The following GALNTL6 variants were observed in gnomAD, a reference collection of about 807,000 sequenced individuals.
GALNTL6 encodes polypeptide N-acetylgalactosaminyltransferase-like 6.
In GALNTL6, 46 loss-of-function variants were observed where a neutral mutation model predicts 73.7. The observed-to-expected ratio is 0.62, with a 90% confidence interval of 0.49 to 0.80. The LOEUF (loss-of-function observed/expected upper bound fraction) is 0.80, where lower values mean the gene tolerates loss of function less well. Among genes scored for constraint, GALNTL6 ranks in the 30% least tolerant of loss-of-function variants. GALNTL6 has a pLI of 0.00. For missense variants in GALNTL6, 604 were observed against 755.0 expected (o/e 0.80, Z 2.34); for synonymous variants, 259 against 263.7 (o/e 0.98, Z 0.17).
intron 5 of GALNTL6, among the ~76,000 whole-genome samples, chr4:172,624,469 G>T (rs905475023): frequency 3.3e-5 from 5 of 151,668 alleles, no homozygotes; most frequent in Non-Finnish European, 5.9e-5. Context: ...CCAGCGTACA[G>T]GTAGTCTGAA....
In GALNTL6 at chr4:172,270,260, A is replaced by G. The variant is rs116280027; in HGVS notation, c.247+40496A>G. ...CATATTCTTTAAGCACTCCCATTTT[A>G]TTTCTACCAATTGTATGTTTTTTTC... On this transcript the variant is annotated intron_variant, in intron 3 of 12. Transcript: ENST00000506823. Among the ~76,000 whole-genome samples, 1,255 of 151,504 alleles carry G rather than the reference A, an allele frequency of 8.3e-3. 18 individuals carry two copies. The highest frequency in any genetic ancestry group is 0.029 in the African/African-American group (1,191 of 41,300).
intron 5 of GALNTL6, among the ~76,000 whole-genome samples, chr4:172,746,902 A>T (rs1252997405): frequency 6.6e-6 from 1 of 152,268 alleles, no homozygotes; most frequent in East Asian, 1.9e-4. Context: ...AGGATGAAGT[A>T]AAATTGTTTC....
intron 4 of GALNTL6, among the ~76,000 whole-genome samples, chr4:172,330,914 C>T (rs905227228): frequency 6.6e-5 from 10 of 152,010 alleles, no homozygotes; most frequent in African/African-American, 2.4e-4. Flanking sequence ...TCCAGATGTT[C>T]AAGTTTACTG....
At chr4:171,922,748 A>G (rs929358711) in intron 2 of GALNTL6, among the ~76,000 whole-genome samples, 5 of 152,148 alleles carry the variant, frequency 3.3e-5, no homozygotes, top group African/African-American at 1.2e-4. Context: ...TATTGTTTTT[A>G]TAACTTTAGT....
chr4:172,957,410 C>T (rs1338100938), intron 10 of GALNTL6, among the ~76,000 whole-genome samples: 1 of 152,076 alleles, frequency 6.6e-6, no homozygotes, highest in Non-Finnish European at 1.5e-5. Context: ...TGGGAAGAGA[C>T]TGATAGGTGG....
In GALNTL6 at chr4:171,988,812, A is replaced by G. The variant is rs558680359; in HGVS notation, c.138+174094A>G. ...CGGGTAAGAGTGATTAAGTTTTAAT[A>G]GGATGGTAAGGGGGGCATGATCGGT... On this transcript the variant is annotated intron_variant, in intron 2 of 12. Coordinates refer to ENST00000506823, the MANE Select transcript of GALNTL6 (RefSeq NM_001034845.3). Among the ~76,000 whole-genome samples, 1,137 of 152,026 alleles carry G rather than the reference A, an allele frequency of 7.5e-3. 8 individuals carry two copies. Among genetic ancestry groups the G allele is most frequent in the South Asian group, 0.011 (54 of 4,802 alleles).
intron 2 of GALNTL6, among the ~76,000 whole-genome samples, chr4:172,177,912 C>T (rs1301432800): frequency 6.8e-6 from 1 of 147,260 alleles, no homozygotes; most frequent in African/African-American, 2.5e-5. Flanking sequence ...ATATGACTTT[C>T]ATAGTTTATT....
chr4:172,135,478 A>C (rs1733614572), intron 2 of GALNTL6, among the ~76,000 whole-genome samples: 1 of 152,084 alleles, frequency 6.6e-6, no homozygotes, highest in African/African-American at 2.4e-5. Flanking sequence ...AAATAAAAGC[A>C]ATAACAAATT....
chr4:171,837,503 A>G (rs182354936), intron 2 of GALNTL6, among the ~76,000 whole-genome samples: 115 of 150,606 alleles, frequency 7.6e-4, no homozygotes, highest in African/African-American at 2.7e-3. Flanking sequence ...ATTCAAAGCA[A>G]TGGGACATCT....
chr4:172,063,656 G>A (rs1226745336), intron 2 of GALNTL6, among the ~76,000 whole-genome samples: 1 of 152,044 alleles, frequency 6.6e-6, no homozygotes, highest in African/African-American at 2.4e-5. Flanking sequence ...AAATTAGTCT[G>A]TTCTTTTGAG....
intron 8 of GALNTL6, among the ~76,000 whole-genome samples, chr4:172,910,629 A>C (rs2111262005): frequency 6.6e-6 from 1 of 152,370 alleles, no homozygotes; most frequent in South Asian, 2.1e-4. Flanking sequence ...ATATATTTAC[A>C]TGAATCTCAC....
intron 2 of GALNTL6, among the ~76,000 whole-genome samples, chr4:172,158,967 TTTTAAAACAAAAAAA>T (rs1474292490): frequency 4.6e-5 from 7 of 152,218 alleles, no homozygotes; most frequent in Non-Finnish European, 7.3e-5. Context: ...CAAGTAGTTG[TTTTAAAACAAAAAAA>T]GATTCTTAAA....
At chr4:171,837,346 A>G (rs1441974412) in intron 2 of GALNTL6, among the ~76,000 whole-genome samples, 1 of 152,024 alleles carries the variant, frequency 6.6e-6, no homozygotes, top group Non-Finnish European at 1.5e-5. Flanking sequence ...AAGGCATGAG[A>G]GTGAACTAGA....
chr4:172,099,482 C>A (rs72700910), intron 2 of GALNTL6, among the ~76,000 whole-genome samples: 3,278 of 152,172 alleles, frequency 0.022, 40 homozygotes, highest in Non-Finnish European at 0.032. Flanking sequence ...GCCTTTTTTA[C>A]ATTATTAACT....
intron 5 of GALNTL6, among the ~76,000 whole-genome samples, chr4:172,383,194 G>C (rs563678981): frequency 1.7e-3 from 263 of 152,080 alleles, no homozygotes; most frequent in African/African-American, 6.0e-3. Flanking sequence ...GGTAGACATT[G>C]CATTGAATCC....
intron 3 of GALNTL6, among the ~76,000 whole-genome samples, chr4:172,281,543 A>C (rs1175309906): frequency 2.0e-5 from 3 of 152,010 alleles, no homozygotes; most frequent in Non-Finnish European, 4.4e-5. Flanking sequence ...AAAAAAAAAT[A>C]CAAAAAAAAG....
intron 2 of GALNTL6, among the ~76,000 whole-genome samples, chr4:172,021,923 GC>G (rs1174475742): frequency 6.6e-6 from 1 of 151,890 alleles, no homozygotes; most frequent in Non-Finnish European, 1.5e-5. Flanking sequence ...CTTTCCATAG[GC>G]AAAACTCAAA....
At chr4:172,797,742 T>C (rs1014057601) in intron 5 of GALNTL6, among the ~76,000 whole-genome samples, 1 of 152,108 alleles carries the variant, frequency 6.6e-6, no homozygotes, top group Non-Finnish European at 1.5e-5. Context: ...TTTCGCCAAG[T>C]TGGCCAGGTA....
intron 5 of GALNTL6, among the ~76,000 whole-genome samples, chr4:172,671,894 T>A (rs1457506675): frequency 6.6e-6 from 1 of 152,196 alleles, no homozygotes; most frequent in South Asian, 2.1e-4. Flanking sequence ...TGCCTGTTTT[T>A]TGGTTTGTTT....
Sources: allele counts gnomAD v4.1 joint callset (sites outside exome capture counted in the v4.1 genomes callset), GRCh38; gene constraint gnomAD v4.1.1; transcripts MANE v1.5; gene names NCBI Gene and HGNC (gene_info 2026-07-23, HGNC 2026-07-21).